The following BLTP3A variants were observed in gnomAD, a reference collection of about 807,000 sequenced individuals.
The protein encoded by BLTP3A is ICBP90 binding protein 1.
the BLTP3A span, among the ~76,000 whole-genome samples, chr6:34,806,321 C>T: frequency 1.3e-5 from 2 of 152,126 alleles, no homozygotes; most frequent in Admixed American, 1.3e-4. Context: ...TTTGTATCCT[C>T]CACAGCTCTT....
the BLTP3A span, chr6:34,857,273 T>G: frequency 2.5e-6 from 4 of 1,602,676 alleles, no homozygotes; most frequent in Non-Finnish European, 3.4e-6. Flanking sequence ...TAAGCAGAAA[T>G]GGAGGGCTGC....
chr6:34,830,462 C>T, the BLTP3A span, among the ~76,000 whole-genome samples: 4 of 152,184 alleles, frequency 2.6e-5, no homozygotes, highest in South Asian at 2.1e-4. Flanking sequence ...TGATGGCGTG[C>T]GCCTGTAATC....
At chr6:34,836,395 C>A in the BLTP3A span, 1 of 1,565,700 alleles carries the variant, frequency 6.4e-7, no homozygotes, top group Non-Finnish European at 8.8e-7. Context: ...ACGTCACTGT[C>A]TAGCTCTGGG....
chr6:34,872,394 C>T, the BLTP3A span: 2 of 1,612,856 alleles, frequency 1.2e-6, no homozygotes, highest in Admixed American at 1.7e-5. Context: ...TAAAGAAAAA[C>T]TTCTTCAGGA....
At chr6:34,810,882 T>G in the BLTP3A span, among the ~76,000 whole-genome samples, 8 of 152,240 alleles carry the variant, frequency 5.3e-5, no homozygotes, top group Non-Finnish European at 1.0e-4. Flanking sequence ...ATTTCAACTT[T>G]TTATAATAGA....
the BLTP3A span, among the ~76,000 whole-genome samples, chr6:34,849,863 C>T: frequency 9.2e-5 from 14 of 152,088 alleles, no homozygotes; most frequent in Admixed American, 4.6e-4. Context: ...CCTGGTCCTG[C>T]GCAGTGGCTC....
At chr6:34,823,673 G>T in the BLTP3A span, among the ~76,000 whole-genome samples, 33 of 151,090 alleles carry the variant, frequency 2.2e-4, no homozygotes, top group African/African-American at 7.3e-4. Flanking sequence ...CTCCCAAGTA[G>T]CTGGGACCAC....
chr6:34,870,934 G>A, the BLTP3A span: 2 of 1,614,178 alleles, frequency 1.2e-6, no homozygotes, highest in South Asian at 1.1e-5. Flanking sequence ...GGTGGGGCCT[G>A]GAGCAGCTGT....
At chr6:34,836,199 C>G in the BLTP3A span, 1 of 1,614,218 alleles carries the variant, frequency 6.2e-7, no homozygotes, top group East Asian at 2.2e-5. Context: ...TGGGCCCAGG[C>G]ATTTGGTGGC....
the BLTP3A span, chr6:34,858,453 C>T: frequency 5.6e-6 from 9 of 1,614,032 alleles, no homozygotes; most frequent in Admixed American, 1.5e-4. Context: ...TCCACTTTAC[C>T]CAGATCTCCT....
At chr6:34,874,078 T>A in the BLTP3A span, 1 of 152,244 alleles carries the variant, frequency 6.6e-6, no homozygotes. Context: ...CAAAGAAACA[T>A]CTTTCTGGAG....
At chr6:34,872,002 G>T in the BLTP3A span, 1 of 1,456,046 alleles carries the variant, frequency 6.9e-7, no homozygotes, top group Admixed American at 2.1e-5. Context: ...CCCGGGGTTG[G>T]GGGGCAAAAA....
the BLTP3A span, among the ~76,000 whole-genome samples, chr6:34,794,113 T>C: frequency 6.6e-6 from 1 of 151,716 alleles, no homozygotes; most frequent in Non-Finnish European, 1.5e-5. Flanking sequence ...TGAGCCAAGA[T>C]TTCGCCACAG....
chr6:34,876,269 G>T, the BLTP3A span: 2 of 152,404 alleles, frequency 1.3e-5, no homozygotes, highest in Non-Finnish European at 2.9e-5. Flanking sequence ...TTTGCCATGG[G>T]CCTCAACCTT....
the BLTP3A span, among the ~76,000 whole-genome samples, chr6:34,842,297 A>C: frequency 6.6e-5 from 10 of 152,196 alleles, no homozygotes; most frequent in Non-Finnish European, 1.5e-4. Flanking sequence ...ACACCATACA[A>C]TTCATCCATT....
At chr6:34,863,483 C>T in the BLTP3A span, among the ~76,000 whole-genome samples, 1 of 152,168 alleles carries the variant, frequency 6.6e-6, no homozygotes, top group East Asian at 1.9e-4. Flanking sequence ...TCAAGGACCA[C>T]CTCAAATGTT....
chr6:34,847,921 C>CTTTTTTT, the BLTP3A span, among the ~76,000 whole-genome samples: 1 of 91,154 alleles, frequency 1.1e-5, no homozygotes, highest in Non-Finnish European at 2.0e-5. Context: ...TCTTTTTTTC[C>CTTTTTTT]TTTTTTTTTT....
At chr6:34,872,564 C>T in the BLTP3A span, 1 of 1,241,464 alleles carries the variant, frequency 8.1e-7, no homozygotes, top group Non-Finnish European at 1.1e-6. Flanking sequence ...GGGGAGCACT[C>T]ACTTCACTTG....
the BLTP3A span, chr6:34,872,564 C>A: frequency 8.1e-7 from 1 of 1,241,460 alleles, no homozygotes; most frequent in Non-Finnish European, 1.1e-6. Flanking sequence ...GGGGAGCACT[C>A]ACTTCACTTG....
Sources: allele counts gnomAD v4.1 joint callset (sites outside exome capture counted in the v4.1 genomes callset), GRCh38; gene constraint gnomAD v4.1.1; transcripts MANE v1.5; gene names NCBI Gene and HGNC (gene_info 2026-07-23, HGNC 2026-07-21).